Variants in MAP3K13 observed in about 807,000 individuals in gnomAD.
MAP3K13 encodes leucine zipper-bearing kinase.
MAP3K13 carries 52 observed loss-of-function variants against 104.0 expected under a neutral mutation model. The observed-to-expected ratio is 0.50, with a 90% CI of 0.40 to 0.63. The LOEUF (loss-of-function observed/expected upper bound fraction) is 0.63. Among genes scored for constraint, MAP3K13 ranks in the 20% least tolerant of loss-of-function variants. The pLI is 0.00. For missense variants in MAP3K13, 914 were observed against 1,218.5 expected (o/e 0.75, Z 3.72); for synonymous variants, 394 against 442.2 (o/e 0.89, Z 1.37).
chr3:185,468,045 C>T (rs578069088), intron 10 of MAP3K13, among the ~76,000 whole-genome samples: 1 of 152,198 alleles, frequency 6.6e-6, no homozygotes, highest in Non-Finnish European at 1.5e-5. Context: ...CACTCACTCA[C>T]TATCATGAGA....
At chr3:185,332,702 A>G (rs944845268) in intron 2 of MAP3K13, among the ~76,000 whole-genome samples, 2 of 152,126 alleles carry the variant, frequency 1.3e-5, no homozygotes, top group African/African-American at 4.8e-5. Flanking sequence ...CTTATCCGTG[A>G]TGTAGTATAT....
intron 1 of MAP3K13, among the ~76,000 whole-genome samples, chr3:185,365,676 A>T (rs893573891): frequency 2.0e-5 from 3 of 152,186 alleles, no homozygotes; most frequent in African/African-American, 7.2e-5. Flanking sequence ...AATAAAAATA[A>T]AAAAATCACA....
intron 1 of MAP3K13, among the ~76,000 whole-genome samples, chr3:185,416,247 GA>G (rs1713764879): frequency 6.6e-6 from 1 of 151,910 alleles, no homozygotes; most frequent in African/African-American, 2.4e-5. Context: ...CTTTCCTAAG[GA>G]AAAGCTTACT....
chr3:185,301,510 C>T (rs1241546010), intron 2 of MAP3K13, among the ~76,000 whole-genome samples: 1 of 152,174 alleles, frequency 6.6e-6, no homozygotes, highest in East Asian at 1.9e-4. Context: ...CTTTTCATGT[C>T]AATATCCAAA....
intron 2 of MAP3K13, among the ~76,000 whole-genome samples, chr3:185,435,169 ATT>A (rs35103398): frequency 5.7e-5 from 8 of 140,936 alleles, no homozygotes; most frequent in Admixed American, 7.1e-5. Context: ...ATGCCTGGCT[ATT>A]TTTTTTTTTT....
At chr3:185,371,216 A>G (rs951004171) in intron 1 of MAP3K13, among the ~76,000 whole-genome samples, 1 of 152,116 alleles carries the variant, frequency 6.6e-6, no homozygotes, top group Non-Finnish European at 1.5e-5. Context: ...TTGTATGTTC[A>G]TTTCATCAGT....
At position 185,395,357 on chromosome 3, in the gene MAP3K13, C is replaced by CTTTCTTTT. The variant is rs1553798321; in HGVS notation, c.-86+31992_-86+31993insCTTTTTTT. 2.5e-3 allele frequency among the ~76,000 whole-genome samples: 178 copies of CTTTCTTTT among 69,984 alleles called. 28 individuals are homozygous for CTTTCTTTT. Among genetic ancestry groups the CTTTCTTTT allele is most frequent in the Middle Eastern group, 0.022 (2 of 90 alleles). 45.9% of individuals were successfully genotyped at this position (69,984 alleles called of 152,430 possible). ...AGGCATTTCTAATTCAATATTATTTCTTTTTTTTTTTTTTTTTTTGAGACG... is the reference window on the plus strand; with the variant it reads ...AGGCATTTCTAATTCAATATTATTTCTTTCTTTTTTTTTTTTTTTTTTTTTTTGAGACG... On this transcript the variant is annotated intron_variant, in intron 1 of 13. Transcript: ENST00000265026.
At chr3:185,312,165 A>C (rs73887861) in intron 2 of MAP3K13, among the ~76,000 whole-genome samples, 13,442 of 152,252 alleles carry the variant, frequency 0.088, 809 homozygotes, top group East Asian at 0.2. Context: ...CTGAAAACTG[A>C]CTAACCTTTG....
At chr3:185,353,446 T>C (rs1043946804) in intron 2 of MAP3K13, among the ~76,000 whole-genome samples, 1 of 152,228 alleles carries the variant, frequency 6.6e-6, no homozygotes, top group Non-Finnish European at 1.5e-5. Context: ...TTGGCTACAT[T>C]TGATTGGCCA....
chr3:185,376,174 G>A (rs1437061786), intron 1 of MAP3K13, among the ~76,000 whole-genome samples: 2 of 152,126 alleles, frequency 1.3e-5, no homozygotes, highest in African/African-American at 4.8e-5. Flanking sequence ...GGGGTCAGGT[G>A]TGGTATCCAG....
At chr3:185,354,302 C>T (rs770426212) in intron 2 of MAP3K13, among the ~76,000 whole-genome samples, 52 of 150,564 alleles carry the variant, frequency 3.5e-4, no homozygotes, top group Non-Finnish European at 6.4e-4. Context: ...CAGCAGAGAG[C>T]ATCACCCGGT....
At chr3:185,313,777 G>A (rs1721580308) in intron 2 of MAP3K13, among the ~76,000 whole-genome samples, 1 of 151,634 alleles carries the variant, frequency 6.6e-6, no homozygotes, top group Non-Finnish European at 1.5e-5. Context: ...GTTAATGATA[G>A]ATTAGAATTG....
At chr3:185,395,452 G>A (rs1480489599) in intron 1 of MAP3K13, among the ~76,000 whole-genome samples, 14 of 83,180 alleles carry the variant, frequency 1.7e-4, no homozygotes, top group African/African-American at 5.3e-4. Context: ...TCCGCCTCCC[G>A]GGTTCACGCC....
chr3:185,362,190 A>G (rs934362500), upstream of MAP3K13, among the ~76,000 whole-genome samples: 2 of 152,256 alleles, frequency 1.3e-5, no homozygotes, highest in Non-Finnish European at 2.9e-5. Context: ...CAAGTTCAGA[A>G]AAATCATGAT....
At chr3:185,411,007 A>G (rs1461019059) in intron 1 of MAP3K13, among the ~76,000 whole-genome samples, 1 of 151,952 alleles carries the variant, frequency 6.6e-6, no homozygotes, top group Middle Eastern at 3.2e-3. Flanking sequence ...AGTGATGTTT[A>G]TGTTATACCC....
At chr3:185,449,521 A>AT (rs1158675472) in intron 5 of MAP3K13, among the ~76,000 whole-genome samples, 1 of 151,682 alleles carries the variant, frequency 6.6e-6, no homozygotes, top group Non-Finnish European at 1.5e-5. Context: ...TATAGATTTA[A>AT]TTTTTTTCCT....
chr3:185,283,772 A>G (rs1720397677), intron 1 of MAP3K13, among the ~76,000 whole-genome samples: 1 of 152,182 alleles, frequency 6.6e-6, no homozygotes, highest in African/African-American at 2.4e-5. Flanking sequence ...TCTGGGAAGA[A>G]CTTGTAGGGA....
intron 3 of MAP3K13, among the ~76,000 whole-genome samples, chr3:185,442,329 AAAAG>A (rs912371840): frequency 2.0e-4 from 31 of 152,078 alleles, no homozygotes; most frequent in African/African-American, 7.2e-4. Context: ...ATGAAAAAAA[AAAAG>A]AAATGTTTTT....
At chr3:185,410,188 C>T (rs970860009) in intron 1 of MAP3K13, among the ~76,000 whole-genome samples, 4 of 152,152 alleles carry the variant, frequency 2.6e-5, no homozygotes, top group Admixed American at 6.6e-5. Context: ...TACCAGTCTG[C>T]GGTCTGGGAG....
Sources: gnomAD v4.1 joint callset for allele counts (sites outside exome capture counted in the v4.1 genomes callset) on GRCh38, gnomAD v4.1.1 for gene constraint, MANE v1.5 for transcripts, NCBI Gene and HGNC (gene_info 2026-07-23, HGNC 2026-07-21) for gene names.